Variants in PDE4D observed in about 807,000 individuals in gnomAD.
The protein encoded by PDE4D is phosphodiesterase 4D.
A neutral mutation model predicts 87.4 loss-of-function variants in PDE4D; 24 were observed. The ratio of observed to expected loss-of-function variants is 0.27; its 90% CI spans 0.20 to 0.39. The LOEUF is 0.39. Among genes scored for constraint, PDE4D ranks in the 10% least tolerant of loss-of-function variants. The pLI is 1.00. For synonymous variants in PDE4D, 384 were observed against 383.2 expected (o/e 1.00, Z -0.02); for missense variants, 714 against 1,041.0 (o/e 0.69, Z 4.32).
At chr5:60,074,049 T>C (rs761149943) in intron 2 of PDE4D, among the ~76,000 whole-genome samples, 1 of 152,154 alleles carries the variant, frequency 6.6e-6, no homozygotes, top group Non-Finnish European at 1.5e-5. Context: ...ATTCTGGTTA[T>C]TTACTGTCTT....
At chr5:60,108,716 A>G (rs542881895) in intron 2 of PDE4D, among the ~76,000 whole-genome samples, 37 of 152,246 alleles carry the variant, frequency 2.4e-4, no homozygotes, top group African/African-American at 8.2e-4. Context: ...CATATCTACA[A>G]CTATCTGATC....
In PDE4D at chr5:59,953,357, AT is replaced by A. The variant is rs771396587; in HGVS notation, c.272+35130del. The stretch of plus-strand genomic sequence containing the variant: ...TGGTTAAATATTTACATTGTCTAGA[AT>A]TTTTTTTTTGTCTAGAATTTCGAAG... On this transcript the variant is annotated intron_variant, in intron 3 of 16. Transcript: ENST00000502484. Among the ~76,000 whole-genome samples the A allele has an allele frequency of 7.7e-3, 1,155 of 150,046 alleles. 5 individuals carry two copies. The highest frequency in any genetic ancestry group is 0.025 in the Middle Eastern group (7 of 284).
At chr5:60,249,905 G>C (rs1191418981) in intron 1 of PDE4D, among the ~76,000 whole-genome samples, 2 of 151,942 alleles carry the variant, frequency 1.3e-5, no homozygotes, top group Non-Finnish European at 2.9e-5. Flanking sequence ...AATTCAATCT[G>C]ATATTAAATG....
intron 1 of PDE4D, among the ~76,000 whole-genome samples, chr5:59,505,663 ATCCAGCAGT>A (rs1331534458): frequency 6.6e-6 from 1 of 152,170 alleles, no homozygotes; most frequent in African/African-American, 2.4e-5. Context: ...CCAAAAACAG[ATCCAGCAGT>A]TGTCAGAGAT....
intron 1 of PDE4D, among the ~76,000 whole-genome samples, chr5:60,436,967 T>A (rs1397700234): frequency 6.6e-6 from 1 of 152,034 alleles, no homozygotes; most frequent in Non-Finnish European, 1.5e-5. Context: ...AGTCATGTTT[T>A]AAAAACAAAA....
At chr5:60,348,329 G>GA (rs879611019) in intron 1 of PDE4D, among the ~76,000 whole-genome samples, 262 of 150,798 alleles carry the variant, frequency 1.7e-3, no homozygotes, top group African/African-American at 5.9e-3. Context: ...TCCAAACACA[G>GA]AAAAAAAAAT....
chr5:59,190,986 C>G (rs1744174521), intron 3 of PDE4D, among the ~76,000 whole-genome samples: 1 of 152,152 alleles, frequency 6.6e-6, no homozygotes, highest in Non-Finnish European at 1.5e-5. Flanking sequence ...TTATGAGTCA[C>G]TTAGCTAATC....
At chr5:60,516,253 G>A (rs1750798470) in intron 1 of PDE4D, among the ~76,000 whole-genome samples, 1 of 152,224 alleles carries the variant, frequency 6.6e-6, no homozygotes, top group Non-Finnish European at 1.5e-5. Flanking sequence ...GGTTACCAGG[G>A]CTCAGTGTCT....
chr5:60,051,364 GA>G (rs1487969179), intron 2 of PDE4D, among the ~76,000 whole-genome samples: 3 of 151,760 alleles, frequency 2.0e-5, no homozygotes, highest in Admixed American at 6.6e-5. Context: ...GTGCAAATTA[GA>G]ACTCAGGATT....
At chr5:60,183,015 T>C (rs1472214133) in intron 2 of PDE4D, among the ~76,000 whole-genome samples, 2 of 152,098 alleles carry the variant, frequency 1.3e-5, no homozygotes, top group African/African-American at 4.8e-5. Flanking sequence ...TAATTAGTGT[T>C]AGATGAATTC....
At chr5:59,703,966 AAG>A (rs992556769) in intron 1 of PDE4D, among the ~76,000 whole-genome samples, 1 of 152,128 alleles carries the variant, frequency 6.6e-6, no homozygotes, top group African/African-American at 2.4e-5. Flanking sequence ...GAGTAAAAGA[AAG>A]AGGGAGAAAG....
chr5:60,462,263 G>A (rs142692371), intron 1 of PDE4D, among the ~76,000 whole-genome samples: 48 of 152,240 alleles, frequency 3.2e-4, no homozygotes, highest in South Asian at 2.3e-3. Context: ...TCACCCTCCC[G>A]AAGCAGATCA....
chr5:59,274,049 T>C (rs190790185), intron 1 of PDE4D, among the ~76,000 whole-genome samples: 138 of 152,248 alleles, frequency 9.1e-4, no homozygotes, highest in Non-Finnish European at 1.1e-3. Flanking sequence ...TATTATAAAT[T>C]CTGTTTACTC....
At chr5:60,298,292 C>T (rs1204795572) in intron 1 of PDE4D, among the ~76,000 whole-genome samples, 1 of 152,144 alleles carries the variant, frequency 6.6e-6, no homozygotes, top group East Asian at 1.9e-4. Context: ...AAAGTGTTTA[C>T]TAAAAGATCA....
intron 1 of PDE4D, among the ~76,000 whole-genome samples, chr5:59,763,269 A>G (rs1185078070): frequency 6.6e-6 from 1 of 151,914 alleles, no homozygotes; most frequent in Non-Finnish European, 1.5e-5. Flanking sequence ...GCACATGTAT[A>G]CATATGTAAC....
At chr5:60,091,643 T>A (rs551274685) in intron 2 of PDE4D, among the ~76,000 whole-genome samples, 1 of 152,274 alleles carries the variant, frequency 6.6e-6, no homozygotes, top group African/African-American at 2.4e-5. Context: ...GAATACATTT[T>A]AAAAAATTAA....
intron 1 of PDE4D, among the ~76,000 whole-genome samples, chr5:59,535,709 G>T (rs1431824486): frequency 6.6e-6 from 1 of 152,102 alleles, no homozygotes; most frequent in Admixed American, 6.5e-5. Context: ...AACACTATCT[G>T]CCACAACTTA....
At chr5:59,237,377 T>C (rs1457991159) in intron 1 of PDE4D, among the ~76,000 whole-genome samples, 1 of 152,218 alleles carries the variant, frequency 6.6e-6, no homozygotes, top group Admixed American at 6.5e-5. Flanking sequence ...CCAATTTCTT[T>C]ACATCCATTA....
At chr5:59,829,674 G>A (rs1385400036) in intron 1 of PDE4D, among the ~76,000 whole-genome samples, 1 of 152,050 alleles carries the variant, frequency 6.6e-6, no homozygotes. Flanking sequence ...TTTTGTCAGT[G>A]CCTATGTTAA....
Sources: allele counts gnomAD v4.1 joint callset (sites outside exome capture counted in the v4.1 genomes callset), GRCh38; gene constraint gnomAD v4.1.1; transcripts MANE v1.5; gene names NCBI Gene and HGNC (gene_info 2026-07-23, HGNC 2026-07-21).